The following NAALADL2 variants were observed in gnomAD, a reference collection of about 807,000 sequenced individuals.
NAALADL2 encodes the protein inactive N-acetylated-alpha-linked acidic dipeptidase-like protein 2.
In NAALADL2, 76 loss-of-function variants were observed where a neutral mutation model predicts 87.2. The ratio of observed to expected loss-of-function variants is 0.87; its 90% confidence interval spans 0.72 to 1.05. NAALADL2 has a LOEUF of 1.05. Ranked by LOEUF, NAALADL2 falls within the 50% of genes least tolerant of loss-of-function variation. The pLI is 0.00. For synonymous variants in NAALADL2, 354 were observed against 331.0 expected (o/e 1.07, Z -0.75); for missense variants, 1,089 against 945.8 (o/e 1.15, Z -1.99).
At chr3:174,895,944 T>C (rs930215317) in intron 1 of NAALADL2, among the ~76,000 whole-genome samples, 1 of 152,100 alleles carries the variant, frequency 6.6e-6, no homozygotes, top group African/African-American at 2.4e-5. Flanking sequence ...GAAAAAAATA[T>C]GATTATTCCA....
At chr3:174,751,206 G>C (rs563815214) in intron 3 of NAALADL2, among the ~76,000 whole-genome samples, 1 of 151,874 alleles carries the variant, frequency 6.6e-6, no homozygotes, top group Non-Finnish European at 1.5e-5. Flanking sequence ...GGCCAATCCA[G>C]ATATATTATA....
intron 4 of NAALADL2, among the ~76,000 whole-genome samples, chr3:175,303,366 T>C (rs2110238415): frequency 6.6e-6 from 1 of 152,312 alleles, no homozygotes; most frequent in South Asian, 2.1e-4. Flanking sequence ...TTAAGTTGTA[T>C]AAAAATCATA....
chr3:175,118,036 G>A (rs968600594), intron 2 of NAALADL2, among the ~76,000 whole-genome samples: 1 of 151,946 alleles, frequency 6.6e-6, no homozygotes, highest in African/African-American at 2.4e-5. Context: ...AACACCACAT[G>A]TTGTCACTCA....
At chr3:175,312,308 C>T (rs1006166595) in intron 4 of NAALADL2, among the ~76,000 whole-genome samples, 2 of 152,042 alleles carry the variant, frequency 1.3e-5, no homozygotes, top group Non-Finnish European at 2.9e-5. Context: ...TAAGAATGTA[C>T]TATGAGATGT....
chr3:175,236,924 TC>T (rs1560208896), intron 3 of NAALADL2, among the ~76,000 whole-genome samples: 1 of 152,214 alleles, frequency 6.6e-6, no homozygotes, highest in African/African-American at 2.4e-5. Flanking sequence ...TTTTCTTTAT[TC>T]TTTCACACTT....
chr3:174,953,669 C>G (rs1233032616), intron 1 of NAALADL2, among the ~76,000 whole-genome samples: 1 of 151,798 alleles, frequency 6.6e-6, no homozygotes, highest in Admixed American at 6.6e-5. Context: ...CTGTGGCTGA[C>G]TAGACATTCA....
rs541168357 is a variant in NAALADL2, at chr3:175,500,219, G to A, written c.1653+28461G>A. On this transcript the variant is annotated intron_variant, in intron 9 of 13. Transcript: ENST00000454872. ...TCTAATGCAAGGCAGGGAAAAAATC[G>A]CTGCCATTAGTGAAGTCTAGATAAT... Among the ~76,000 whole-genome samples the A allele has an allele frequency of 1.1e-4, 17 of 152,116 alleles. 1 individual carries two copies. The South Asian group carries it at 3.5e-3, about 32-fold the overall frequency.
chr3:175,197,936 A>G (rs1209681432), intron 2 of NAALADL2, among the ~76,000 whole-genome samples: 3 of 152,082 alleles, frequency 2.0e-5, no homozygotes, highest in East Asian at 1.9e-4. Flanking sequence ...TGAATTTTCC[A>G]TTAGATGTTT....
At chr3:175,301,468 C>T (rs1045088974) in intron 4 of NAALADL2, among the ~76,000 whole-genome samples, 5 of 152,108 alleles carry the variant, frequency 3.3e-5, no homozygotes, top group Admixed American at 1.3e-4. Context: ...ATGTAGCTGT[C>T]TTTTCTGTTT....
At chr3:174,925,027 T>A (rs535584785) in intron 1 of NAALADL2, among the ~76,000 whole-genome samples, 1 of 152,310 alleles carries the variant, frequency 6.6e-6, no homozygotes, top group Admixed American at 6.5e-5. Context: ...GGTTGCCTGC[T>A]CACTCTGATG....
At chr3:175,377,934 A>G (rs2148973537) in intron 5 of NAALADL2, among the ~76,000 whole-genome samples, 1 of 152,266 alleles carries the variant, frequency 6.6e-6, no homozygotes, top group African/African-American at 2.4e-5. Context: ...TTCATTGGCA[A>G]TAAACCCCGC....
chr3:175,420,069 A>G (rs1221711444), intron 5 of NAALADL2, among the ~76,000 whole-genome samples: 2 of 151,912 alleles, frequency 1.3e-5, no homozygotes, highest in African/African-American at 2.4e-5. Context: ...ACCTAACCCA[A>G]TAAATATTTT....
chr3:175,537,288 C>T (rs1289073137), intron 9 of NAALADL2, among the ~76,000 whole-genome samples: 2 of 152,114 alleles, frequency 1.3e-5, no homozygotes, highest in Admixed American at 6.5e-5. Context: ...ACACTTTTAG[C>T]CATACAGAAG....
At chr3:175,045,785 T>C (rs1210961959) in intron 1 of NAALADL2, among the ~76,000 whole-genome samples, 1 of 152,150 alleles carries the variant, frequency 6.6e-6, no homozygotes, top group Admixed American at 6.5e-5. Flanking sequence ...AAGCATGCCT[T>C]CCTTCTACTC....
chr3:174,469,438 C>CT lies in NAALADL2; in HGVS notation c.-184+28414dup, dbSNP rs1353619098. ...ACGGCTGGCTAATTTTTTTTTTTTT[C>CT]TTTTTTTTGAGATGGAGTCTCGCTC... is the stretch of plus-strand genomic sequence containing the variant. On this transcript the variant is annotated intron_variant, in intron 1 of 3. Transcript: ENST00000434257. 3.9e-3 allele frequency among the ~76,000 whole-genome samples: 549 copies of CT among 141,148 alleles called. 4 individuals carry two copies. Among genetic ancestry groups the CT allele is most frequent in the African/African-American group, 0.014 (518 of 38,068 alleles). The allele number at this position is 141,148 out of a possible 152,430, so 92.6% of individuals were successfully genotyped here.
At chr3:175,386,119 C>G (rs1285617088) in intron 5 of NAALADL2, among the ~76,000 whole-genome samples, 3 of 151,968 alleles carry the variant, frequency 2.0e-5, no homozygotes, top group African/African-American at 7.3e-5. Context: ...GGCTAAAACT[C>G]TAGACAATCT....
intron 5 of NAALADL2, among the ~76,000 whole-genome samples, chr3:175,357,276 G>A (rs1764487784): frequency 6.6e-6 from 1 of 152,096 alleles, no homozygotes; most frequent in African/African-American, 2.4e-5. Context: ...GACAGGCTAT[G>A]CTGCTGTATT....
chr3:175,033,950 T>C (rs1753092841), intron 1 of NAALADL2, among the ~76,000 whole-genome samples: 1 of 151,932 alleles, frequency 6.6e-6, no homozygotes. Flanking sequence ...AAAACATTTC[T>C]AAAGCAAAAC....
At chr3:174,843,883 T>A (rs1171315811) in intron 3 of NAALADL2, among the ~76,000 whole-genome samples, 2 of 152,190 alleles carry the variant, frequency 1.3e-5, no homozygotes, top group Non-Finnish European at 2.9e-5. Context: ...TGGGTTATTT[T>A]GTTTTTGAGT....
Sources: gnomAD v4.1 joint callset for allele counts (sites outside exome capture counted in the v4.1 genomes callset) on GRCh38, gnomAD v4.1.1 for gene constraint, MANE v1.5 for transcripts, NCBI Gene and HGNC (gene_info 2026-07-23, HGNC 2026-07-21) for gene names.